PTPRR: variants seen among roughly 807,000 people sequenced by gnomAD.
The protein encoded by PTPRR is receptor-type tyrosine-protein phosphatase R.
PTPRR carries 38 observed loss-of-function variants against 77.2 expected under a neutral mutation model. The ratio of observed to expected loss-of-function variants is 0.49; its 90% confidence interval spans 0.38 to 0.65. PTPRR has a LOEUF of 0.65. Among genes scored for constraint, PTPRR ranks in the 30% least tolerant of loss-of-function variants. The pLI, the probability that PTPRR is intolerant of heterozygous loss-of-function variation, is 0.00. For synonymous variants in PTPRR, 299 were observed against 283.1 expected (o/e 1.06, Z -0.57); for missense variants, 744 against 799.2 (o/e 0.93, Z 0.83).
At chr12:70,855,003 T>C (rs570663960) in intron 2 of PTPRR, among the ~76,000 whole-genome samples, 97 of 152,200 alleles carry the variant, frequency 6.4e-4, no homozygotes, top group African/African-American at 2.3e-3. Flanking sequence ...AATGACATAA[T>C]AGGGTCCACA....
chr12:70,764,620 C>A, intron 3 of PTPRR, 45 bp downstream of exon 3: 1 of 1,491,618 alleles, frequency 6.7e-7, no homozygotes, highest in Non-Finnish European at 9.4e-7. Context: ...AAAAAAACCA[C>A]ACACACGGCT....
At chr12:70,844,981 T>C (rs74643999) in intron 2 of PTPRR, among the ~76,000 whole-genome samples, 1,563 of 152,258 alleles carry the variant, frequency 0.01, 21 homozygotes, top group South Asian at 0.059. Flanking sequence ...ATTTTGTAAA[T>C]ACATAAAAAG....
At position 70,754,214 on chromosome 12, in the gene PTPRR, C is replaced by T. The variant is rs73341069; in HGVS notation, c.715G>A (p.Val239Ile). 3,609 of 1,613,444 alleles carry T rather than the reference C, an allele frequency of 2.2e-3. 75 individuals are homozygous for T. The African/African-American group carries it at 0.04, about 18-fold the overall frequency. ...YAVVIFLSIF[V>I]IIVTCLMILY... ...ACCATCAAACACGTTACTATAATAA[C>T]AAAGATGCTGAGAAAAATGACAACA... The change falls in exon 5 of 14, where the codon GTT becomes ATT. Residue 239 changes from valine (V) to isoleucine (I), a missense_variant. Val to Ile is a conservative substitution (Grantham distance 29). Transcript: ENST00000283228.
chr12:70,775,951 T>C (rs929398349), intron 2 of PTPRR, among the ~76,000 whole-genome samples: 6 of 152,196 alleles, frequency 3.9e-5, no homozygotes, highest in African/African-American at 1.4e-4. Context: ...CCTTCCCTTC[T>C]CACAATTCTC....
intron 2 of PTPRR, among the ~76,000 whole-genome samples, chr12:70,807,468 C>G (rs1238384086): frequency 3.9e-5 from 6 of 152,116 alleles, no homozygotes; most frequent in Non-Finnish European, 5.9e-5. Context: ...ATCTTCTAAC[C>G]AATATCTTCT....
chr12:70,671,411 T>C (rs1887218031), intron 10 of PTPRR, among the ~76,000 whole-genome samples: 1 of 152,196 alleles, frequency 6.6e-6, no homozygotes, highest in Admixed American at 6.5e-5. Flanking sequence ...AAAAGACATA[T>C]AACATAAATG....
chr12:70,674,389 T>C (rs1887364008), intron 10 of PTPRR, among the ~76,000 whole-genome samples: 1 of 152,212 alleles, frequency 6.6e-6, no homozygotes, highest in Non-Finnish European at 1.5e-5. Context: ...GCCTATAAAC[T>C]TCCTTCTATG....
chr12:70,708,360 T>G (rs1294799406), intron 6 of PTPRR, among the ~76,000 whole-genome samples: 14 of 152,230 alleles, frequency 9.2e-5, no homozygotes, highest in African/African-American at 3.1e-4. Context: ...TTGGGGGGAC[T>G]ATATTAAACA....
intron 10 of PTPRR, among the ~76,000 whole-genome samples, chr12:70,662,960 A>C (rs1475468677): frequency 6.6e-6 from 1 of 152,144 alleles, no homozygotes; most frequent in Non-Finnish European, 1.5e-5. Flanking sequence ...AGAAATTGAG[A>C]TCCAAATATT....
At chr12:70,806,549 G>A (rs1891712547) in intron 2 of PTPRR, among the ~76,000 whole-genome samples, 1 of 152,096 alleles carries the variant, frequency 6.6e-6, no homozygotes, top group African/African-American at 2.4e-5. Context: ...AGCAATAAAG[G>A]TCCCCTATGA....
chr12:70,896,368 A>G (rs1361970417), intron 1 of PTPRR, among the ~76,000 whole-genome samples: 1 of 151,776 alleles, frequency 6.6e-6, no homozygotes, highest in Non-Finnish European at 1.5e-5. Flanking sequence ...GAACACCACC[A>G]TCAACCAACT....
chr12:70,750,406 A>T (rs1436281829), intron 5 of PTPRR, among the ~76,000 whole-genome samples: 2 of 152,204 alleles, frequency 1.3e-5, no homozygotes, highest in Non-Finnish European at 2.9e-5. Context: ...TTGTCATGGA[A>T]TCAACAAAAC....
intron 5 of PTPRR, among the ~76,000 whole-genome samples, chr12:70,748,291 T>C (rs1890276422): frequency 1.3e-5 from 2 of 152,210 alleles, no homozygotes; most frequent in South Asian, 4.1e-4. Flanking sequence ...TTCAACTCTA[T>C]TGTTTCCTCC....
At chr12:70,728,528 A>AATATATAT (rs71068723) in intron 6 of PTPRR, among the ~76,000 whole-genome samples, 2,286 of 79,968 alleles carry the variant, frequency 0.029, 76 homozygotes, top group African/African-American at 0.057. Flanking sequence ...CCAAAATCTG[A>AATATATAT]ATATATATAT....
chr12:70,892,029 A>G (rs532166572), intron 2 of PTPRR, among the ~76,000 whole-genome samples: 8 of 152,084 alleles, frequency 5.3e-5, no homozygotes, highest in Non-Finnish European at 1.0e-4. Flanking sequence ...TTAAACTATG[A>G]TAACCTCCAC....
intron 2 of PTPRR, among the ~76,000 whole-genome samples, chr12:70,875,914 T>C (rs1268491115): frequency 6.6e-6 from 1 of 152,120 alleles, no homozygotes; most frequent in Non-Finnish European, 1.5e-5. Flanking sequence ...ATGAAAGATG[T>C]TGTCCTTTTC....
At chr12:70,847,622 A>T (rs985335263) in intron 2 of PTPRR, among the ~76,000 whole-genome samples, 4 of 152,084 alleles carry the variant, frequency 2.6e-5, no homozygotes, top group Admixed American at 6.6e-5. Context: ...AAGTTTAAAA[A>T]TTTTTTATTG....
intron 6 of PTPRR, among the ~76,000 whole-genome samples, chr12:70,711,672 A>T (rs948617991): frequency 2.0e-5 from 3 of 152,116 alleles, no homozygotes; most frequent in African/African-American, 7.2e-5. Flanking sequence ...GTTTTTAGTC[A>T]TTGGAAAGAA....
chr12:70,727,468 A>C (rs968672052), intron 6 of PTPRR, among the ~76,000 whole-genome samples: 1 of 152,246 alleles, frequency 6.6e-6, no homozygotes, highest in Admixed American at 6.5e-5. Flanking sequence ...CTTATGAGTT[A>C]ATTTGTTAAA....
Sources: gnomAD v4.1 joint callset for allele counts (sites outside exome capture counted in the v4.1 genomes callset) on GRCh38, gnomAD v4.1.1 for gene constraint, MANE v1.5 for transcripts, NCBI Gene and HGNC (gene_info 2026-07-23, HGNC 2026-07-21) for gene names.